The following TCF3 variants were observed in gnomAD, a reference collection of about 807,000 sequenced individuals.
TCF3 encodes the protein transcription factor 3, also known as transcription factor E2-alpha.
Under a neutral mutation model 72.3 loss-of-function variants are expected in TCF3, and 54 were observed. The observed-to-expected ratio is 0.75, with a 90% CI of 0.60 to 0.94. The LOEUF (loss-of-function observed/expected upper bound fraction) is 0.94, where lower values mean the gene tolerates loss of function less well. Among genes scored for constraint, TCF3 ranks in the 40% least tolerant of loss-of-function variants. TCF3 has a pLI of 0.00. For synonymous variants in TCF3, 525 were observed against 412.6 expected, an observed-to-expected ratio of 1.27 and a Z score of -3.30; for missense variants, 1,078 against 934.4, an observed-to-expected ratio of 1.15 and a Z score of -2.00.
intron 18 of TCF3, among the ~76,000 whole-genome samples, chr19:1,613,583 T>C (rs535906343): frequency 5.8e-4 from 88 of 152,102 alleles, no homozygotes; most frequent in Admixed American, 9.8e-4. Context: ...CCAGACTCAC[T>C]GTGGACAGAG....
At chr19:1,611,917 G>A (rs1383167012) in intron 18 of TCF3, 68 bp from the exon 19 acceptor site, 3 of 451,936 alleles carry the variant, frequency 6.6e-6, no homozygotes, top group Non-Finnish European at 1.1e-5. Context: ...GGTGGGAGTG[G>A]GGGGTAGGAT....
intron 2 of TCF3, among the ~76,000 whole-genome samples, chr19:1,647,223 A>G (rs1201464399): frequency 2.7e-5 from 4 of 148,542 alleles, no homozygotes; most frequent in Non-Finnish European, 6.0e-5. Context: ...GCTCAGCGGC[A>G]TTAACCGGAA....
chr19:1,641,130 C>T (rs929321571), intron 3 of TCF3, among the ~76,000 whole-genome samples: 2 of 147,954 alleles, frequency 1.4e-5, no homozygotes, highest in Admixed American at 6.8e-5. Flanking sequence ...CCACTGCACT[C>T]CAGCCTGGGC....
Position 1,644,723 on chromosome 19 carries a change from TAC to T in TCF3, c.145+1630_145+1631del, listed in dbSNP as rs1419519037. Among the ~76,000 whole-genome samples, 3 of 152,096 alleles carry T rather than the reference TAC, an allele frequency of 2.0e-5. 1 individual carries two copies. The highest frequency in any genetic ancestry group is 6.3e-3 in the Middle Eastern group (2 of 316). ...ACGGCCTACACACCACAGCTCTGGTTACCCAGGGACCAATCTCACAGTGGTCC... is the reference window on the plus strand; with the variant it reads ...ACGGCCTACACACCACAGCTCTGGTTCCAGGGACCAATCTCACAGTGGTCC... On this transcript the variant is annotated intron_variant, in intron 3 of 18. Transcript: ENST00000262965.
Position 1,624,006 on chromosome 19 carries a change from A to AG in TCF3, c.500-7dup, listed in dbSNP as rs767552040. The AG allele has an allele frequency of 6.8e-6, 11 of 1,613,326 alleles. No homozygotes were observed. The African/African-American group carries it at 1.5e-4, about 22-fold the overall frequency. On this transcript the variant is annotated splice_polypyrimidine_tract_variant and splice_region_variant and intron_variant, in intron 7 of 18. Coordinates refer to ENST00000262965, the MANE Select transcript of TCF3 (RefSeq NM_003200.5). Reference sequence around the variant, plus strand: ...GACCTTCTTGGGCTGCGTGTCTGTTAGAAGCAAAAGGGGTGAGAACCGGCC... The same window carrying AG: ...GACCTTCTTGGGCTGCGTGTCTGTTAGGAAGCAAAAGGGGTGAGAACCGGCC...
At chr19:1,633,960 G>A (rs1339712280) in intron 3 of TCF3, among the ~76,000 whole-genome samples, 1 of 152,190 alleles carries the variant, frequency 6.6e-6, no homozygotes, top group African/African-American at 2.4e-5. Flanking sequence ...CCCAGGAGGT[G>A]CAGAGACCCC....
chr19:1,649,777 A>G (rs2066711154), intron 2 of TCF3, among the ~76,000 whole-genome samples: 1 of 152,092 alleles, frequency 6.6e-6, no homozygotes, highest in African/African-American at 2.4e-5. Context: ...ACCAGACTGG[A>G]GTGCAGTGAT....
chr19:1,621,033 T>G lies in TCF3; in HGVS notation c.1028A>C (p.Asp343Ala), dbSNP rs1275986034. The G allele has an allele frequency of 8.5e-6, 13 of 1,525,588 alleles. No homozygotes were observed. Among genetic ancestry groups the G allele is most frequent in the Non-Finnish European group, 1.1e-5 (12 of 1,132,532 alleles). The allele number at this position is 1,525,588 out of a possible 1,614,324, so 94.5% of individuals were successfully genotyped here. The change falls in exon 13 of 19, where the codon GAT (aspartate) becomes GCT (alanine). Residue 343 changes from aspartate to alanine, a missense_variant. Asp to Ala is a moderately radical substitution (Grantham distance 126, BLOSUM62 -2). Coordinates refer to ENST00000262965, the MANE Select transcript of TCF3 (RefSeq NM_003200.5). ...GKALASIYSP[D>A]HSSNNFSSSP... ...GGACGAGAAGTTATTGCTTGAGTGA[T>G]CCGGGGAGTAGATCTGCGAGGAGGA...
chr19:1,625,763 G>A (rs1056765539), intron 6 of TCF3, 55 bp from the exon 7 acceptor site: 57 of 1,437,278 alleles, frequency 4.0e-5, no homozygotes, highest in African/African-American at 9.1e-5. Flanking sequence ...ACCCCAGGCT[G>A]TTCCATTCAA....
chr19:1,620,698 C>T (rs2062083717), intron 13 of TCF3, among the ~76,000 whole-genome samples: 1 of 152,178 alleles, frequency 6.6e-6, no homozygotes, highest in Non-Finnish European at 1.5e-5. Flanking sequence ...GGAGGGCTGG[C>T]TTGGAGGCTG....
At chr19:1,631,027 G>A (rs146188738) in intron 5 of TCF3, among the ~76,000 whole-genome samples, 4 of 152,318 alleles carry the variant, frequency 2.6e-5, no homozygotes, top group Non-Finnish European at 5.9e-5. Flanking sequence ...CTTCCCAAGC[G>A]TCGGTTCGTT....
intron 3 of TCF3, among the ~76,000 whole-genome samples, chr19:1,645,546 C>T (rs1165733393): frequency 6.6e-6 from 1 of 152,226 alleles, no homozygotes; most frequent in Non-Finnish European, 1.5e-5. Flanking sequence ...GCAAATTCCT[C>T]CCCTCATGCT....
At chr19:1,650,495 C>A (rs984640549) in intron 1 of TCF3, 48 of 487,466 alleles carry the variant, frequency 9.8e-5, no homozygotes, top group African/African-American at 9.2e-4. Context: ...CCTGCAGAGT[C>A]CTCCCCAGAG....
rs1380836431 is a variant in TCF3 at position 1,615,239 on chromosome 19, G to A, written c.1822+46C>T. The A allele has an allele frequency of 2.6e-6, 4 of 1,532,408 alleles. No homozygotes were observed. Among genetic ancestry groups the A allele is most frequent in the Admixed American group, 3.9e-5 (2 of 50,982 alleles). 94.9% of individuals were successfully genotyped at this position (1,532,408 alleles called of 1,614,324 possible). A position where few individuals can be genotyped will look rare whatever the true frequency, so the allele number is the denominator to read the frequency against. On this transcript the variant is annotated intron_variant, in intron 18 of 18. Coordinates refer to ENST00000262965, the MANE Select transcript of TCF3 (RefSeq NM_003200.5). This position sits in a 1 kb window ranked among gnomAD's most constrained non-coding sequence, Gnocchi z 7.3. ...AGGAGAACGAGGGCAGGAACACGAGGGAGGGTGGCGCTGCAGGGACGCTGG... is the reference window on the plus strand; with the variant it reads ...AGGAGAACGAGGGCAGGAACACGAGAGAGGGTGGCGCTGCAGGGACGCTGG...
rs1005033900 is a variant in TCF3 at position 1,636,211 on chromosome 19, G to C, written c.146-3806C>G. The stretch of plus-strand genomic sequence containing the variant: ...ACAGGGTCTTGTTGCCCAGGCTGGA[G>C]TGCAGTGGTGCGATCTTGGCTCACT... On this transcript the variant is annotated intron_variant, in intron 3 of 18. Coordinates refer to ENST00000262965, the MANE Select transcript of TCF3 (RefSeq NM_003200.5). Among the ~76,000 whole-genome samples the C allele has an allele frequency of 2.6e-5, 4 of 152,000 alleles. No homozygotes were observed. In the East Asian group the frequency reaches 5.8e-4, roughly 22 times the overall value.
chr19:1,629,894 C>A (rs2063490343), intron 5 of TCF3, among the ~76,000 whole-genome samples: 1 of 152,184 alleles, frequency 6.6e-6, no homozygotes, highest in African/African-American at 2.4e-5. Context: ...CCCGGGGGGA[C>A]ATGGGGAAGA....
At chr19:1,651,787 T>C (rs1049055836) in intron 1 of TCF3, among the ~76,000 whole-genome samples, 3 of 151,254 alleles carry the variant, frequency 2.0e-5, no homozygotes, top group African/African-American at 4.9e-5. Flanking sequence ...GCGGAGCAGA[T>C]GTTACCCGCG....
chr19:1,640,240 A>G (rs1267103594), intron 3 of TCF3, among the ~76,000 whole-genome samples: 1 of 152,010 alleles, frequency 6.6e-6, no homozygotes, highest in African/African-American at 2.4e-5. Flanking sequence ...AAACATTATC[A>G]AACAGCCAAA....
rs1260174371 is a variant in TCF3 at position 1,615,551 on chromosome 19, G to A, written c.1587-31C>T. 2 of 1,604,874 alleles carry A rather than the reference G, an allele frequency of 1.2e-6. No individual in the cohort carries two copies. Among genetic ancestry groups the A allele is most frequent in the South Asian group, 2.2e-5 (2 of 91,078 alleles). On this transcript the variant is annotated intron_variant, in intron 17 of 18. Transcript: ENST00000262965. This position sits in a 1 kb window ranked among gnomAD's most constrained non-coding sequence, Gnocchi z 7.3. ...GGGAGGGCGCCGGGAGGGGGCCAGA[G>A]GGAGACAGTGAGGTTGGGGGAAGAG...
Sources: gnomAD v4.1 joint callset for allele counts (sites outside exome capture counted in the v4.1 genomes callset) on GRCh38, gnomAD v4.1.1 for gene constraint, Gnocchi (gnomAD v3.1) non-coding constraint, MANE v1.5 for transcripts, NCBI Gene and HGNC (gene_info 2026-07-23, HGNC 2026-07-21) for gene names.